The following BCL11A variants were observed in gnomAD, a reference collection of about 807,000 sequenced individuals.
BCL11A encodes the protein BCL11 transcription factor A, also known as B cell CLL/lymphoma 11A.
BCL11A carries 2 observed loss-of-function variants against 55.9 expected under a neutral mutation model. The observed-to-expected ratio is 0.04, with a 90% CI of 0.01 to 0.11. The LOEUF is 0.11. Among genes scored for constraint, BCL11A ranks in the 10% least tolerant of loss-of-function variants. BCL11A has a pLI of 1.00. For synonymous variants in BCL11A, 465 were observed against 473.4 expected (o/e 0.98, Z 0.23); for missense variants, 817 against 1,137.1 (o/e 0.72, Z 4.05).
At chr2:60,499,358 C>T (rs919980993) in intron 2 of BCL11A, among the ~76,000 whole-genome samples, 2 of 152,162 alleles carry the variant, frequency 1.3e-5, no homozygotes, top group African/African-American at 4.8e-5. Context: ...GTGCCTTATT[C>T]CTTCAGGAGC....
chr2:60,548,173 T>C (rs1013126867), intron 1 of BCL11A, among the ~76,000 whole-genome samples: 1 of 152,198 alleles, frequency 6.6e-6, no homozygotes, highest in African/African-American at 2.4e-5. Flanking sequence ...TTAAGGATTT[T>C]AAGTACACAT....
At chr2:60,518,559 C>A (rs1324625918) in intron 2 of BCL11A, among the ~76,000 whole-genome samples, 1 of 152,102 alleles carries the variant, frequency 6.6e-6, no homozygotes, top group African/African-American at 2.4e-5. Context: ...TTTAGCTTCC[C>A]ACACGCAAAG....
Position 60,458,932 on chromosome 2 carries a change from G to A in BCL11A, c.*1472C>T. Reference sequence around the variant, plus strand: ...TAACACAAATAGCACACAGTGTATGGAAAAGAAATGAAGTACAACTTTTAG... The same window carrying A: ...TAACACAAATAGCACACAGTGTATGAAAAAGAAATGAAGTACAACTTTTAG... On this transcript the variant is annotated 3_prime_UTR_variant, in exon 4 of 4. Coordinates refer to ENST00000642384, the MANE Select transcript of BCL11A (RefSeq NM_022893.4). 9.7e-7 allele frequency: 1 copy of A among 1,033,532 alleles called. No individual in the cohort carries two copies. The highest frequency in any genetic ancestry group is 4.6e-5 in the South Asian group (1 of 21,698). The allele number at this position is 1,033,532 out of a possible 1,614,324, so 64.0% of individuals were successfully genotyped here.
intron 2 of BCL11A, among the ~76,000 whole-genome samples, chr2:60,503,379 G>A (rs577413075): frequency 6.6e-6 from 1 of 152,204 alleles, no homozygotes; most frequent in Non-Finnish European, 1.5e-5. Flanking sequence ...ACCCACCGCA[G>A]CCTGGACAGG....
At chr2:60,527,770 T>C (rs2104605825) in intron 2 of BCL11A, 1 of 152,348 alleles carries the variant, frequency 6.6e-6, no homozygotes, top group Middle Eastern at 3.4e-3. Flanking sequence ...ATTCTGAAAT[T>C]CTCTCAGTGG....
intron 2 of BCL11A, among the ~76,000 whole-genome samples, chr2:60,473,981 C>CACT (rs1677369516): frequency 6.6e-6 from 1 of 152,272 alleles, no homozygotes; most frequent in South Asian, 2.1e-4. Flanking sequence ...TAATTATAGA[C>CACT]ACTACAATAT....
At chr2:60,544,324 C>T (rs1670057669) in intron 2 of BCL11A, 1 of 152,232 alleles carries the variant, frequency 6.6e-6, no homozygotes, top group Admixed American at 6.5e-5. Flanking sequence ...TTAATCATGC[C>T]TTACACTTCT....
At chr2:60,527,260 G>T (rs948592999) in intron 2 of BCL11A, 1 of 152,242 alleles carries the variant, frequency 6.6e-6, no homozygotes, top group African/African-American at 2.4e-5. Context: ...GGGGGTGCGA[G>T]CGAGGGAAAT....
Position 60,553,634 on chromosome 2 carries a change from G to A in BCL11A, c.-364C>T, listed in dbSNP as rs1220912794. 1 of 334,610 alleles carries A rather than the reference G, an allele frequency of 3.0e-6. No individual in the cohort carries two copies. The highest frequency in any genetic ancestry group is 6.0e-5 in the East Asian group (1 of 16,802). The allele number at this position is 334,610 out of a possible 1,614,324, so 20.7% of individuals were successfully genotyped here. Reference sequence around the variant, plus strand: ...GACGTCCCTGCGAACTTGAACGTCAGGAGTCTGGATGGACAGAGACACACA... The same window carrying A: ...GACGTCCCTGCGAACTTGAACGTCAAGAGTCTGGATGGACAGAGACACACA... On this transcript the variant is annotated 5_prime_UTR_variant, in exon 1 of 4. Coordinates refer to ENST00000642384, the MANE Select transcript of BCL11A (RefSeq NM_022893.4).
In BCL11A at chr2:60,460,167, GGA is replaced by G; in HGVS notation, c.*235_*236del. 1 of 1,183,104 alleles carries G rather than the reference GGA, an allele frequency of 8.5e-7. No homozygotes were observed. The highest frequency in any genetic ancestry group is 1.0e-6 in the Non-Finnish European group (1 of 953,366). The allele number at this position is 1,183,104 out of a possible 1,614,324, so 73.3% of individuals were successfully genotyped here. On this transcript the variant is annotated 3_prime_UTR_variant, in exon 4 of 4. Transcript: ENST00000642384. Reference sequence around the variant, plus strand: ...TGCATTCAAACGGTGAGAACATAAAGGAAAAAAAAAAAAAAGGAAAAAGAAAA... The same window carrying G: ...TGCATTCAAACGGTGAGAACATAAAGAAAAAAAAAAAAAGGAAAAAGAAAA...
chr2:60,455,918 T>C (rs536792247), downstream of BCL11A, among the ~76,000 whole-genome samples: 43 of 152,192 alleles, frequency 2.8e-4, no homozygotes, highest in East Asian at 7.5e-3. Context: ...ACACATACAG[T>C]ATATCTTTTC....
chr2:60,516,151 A>G (rs1668718122), intron 2 of BCL11A, among the ~76,000 whole-genome samples: 1 of 152,150 alleles, frequency 6.6e-6, no homozygotes, highest in Non-Finnish European at 1.5e-5. Flanking sequence ...ATGCTTTCCC[A>G]TGTCTGTAAT....
At chr2:60,501,505 CTTTTTT>C (rs11366853) in intron 2 of BCL11A, among the ~76,000 whole-genome samples, 1 of 119,724 alleles carries the variant, frequency 8.4e-6, no homozygotes. Context: ...ACACCGCTTT[CTTTTTT>C]TTTTTTTTTT....
At chr2:60,453,294 A>G (rs890976101), downstream of BCL11A, among the ~76,000 whole-genome samples, 13 of 152,306 alleles carry the variant, frequency 8.5e-5, no homozygotes, top group Non-Finnish European at 1.9e-4. Flanking sequence ...GGGGAAGGCA[A>G]TGGTGAAGGG....
chr2:60,467,795 G>C (rs368634135), intron 3 of BCL11A, among the ~76,000 whole-genome samples: 1 of 107,270 alleles, frequency 9.3e-6, no homozygotes, highest in Non-Finnish European at 2.1e-5. Context: ...GATGGTGATG[G>C]TACTGGTGGT....
At chr2:60,503,825 G>T (rs1429626255) in intron 2 of BCL11A, among the ~76,000 whole-genome samples, 2 of 152,140 alleles carry the variant, frequency 1.3e-5, no homozygotes, top group Non-Finnish European at 2.9e-5. Context: ...TTTTGTCAGA[G>T]CTTTATTATT....
chr2:60,491,739 T>C (rs993650114), intron 2 of BCL11A, among the ~76,000 whole-genome samples: 1 of 150,830 alleles, frequency 6.6e-6, no homozygotes, highest in African/African-American at 2.4e-5. Context: ...CAGGCTGGGC[T>C]GACTGCCCAC....
chr2:60,494,905 C>T (rs6706648), intron 2 of BCL11A, among the ~76,000 whole-genome samples: 46,984 of 151,888 alleles, frequency 0.31, 7,805 homozygotes, highest in African/African-American at 0.4. Flanking sequence ...AAGAATATGA[C>T]GTCAGGGGGA....
chr2:60,524,138 T>G (rs570474470), intron 2 of BCL11A, among the ~76,000 whole-genome samples: 1 of 152,334 alleles, frequency 6.6e-6, no homozygotes, highest in South Asian at 2.1e-4. Flanking sequence ...ATATAATCTA[T>G]ATATCACATT....
Sources: gnomAD v4.1 joint callset for allele counts (sites outside exome capture counted in the v4.1 genomes callset) on GRCh38, gnomAD v4.1.1 for gene constraint, MANE v1.5 for transcripts, NCBI Gene and HGNC (gene_info 2026-07-23, HGNC 2026-07-21) for gene names.